RBPMS: variants seen among roughly 807,000 people sequenced by gnomAD.
RBPMS encodes the protein RNA binding protein, mRNA processing factor.
In RBPMS, 7 loss-of-function variants were observed where a neutral mutation model predicts 26.8. The observed-to-expected ratio is 0.26, with a 90% CI of 0.15 to 0.49. The LOEUF is 0.49. Ranked by LOEUF, RBPMS falls within the 20% of genes least tolerant of loss-of-function variation. RBPMS has a pLI of 0.98. For synonymous variants in RBPMS, 96 were observed against 93.3 expected (o/e 1.03, Z -0.17); for missense variants, 186 against 250.0 (o/e 0.74, Z 1.73).
At chr8:30,479,713 T>C (rs1818074817) in intron 4 of RBPMS, among the ~76,000 whole-genome samples, 2 of 152,166 alleles carry the variant, frequency 1.3e-5, no homozygotes, top group Admixed American at 1.3e-4. Flanking sequence ...TTTGAGGCGT[T>C]AGCTTGCTCA....
intron 1 of RBPMS, among the ~76,000 whole-genome samples, chr8:30,450,168 C>A (rs1337026170): frequency 6.6e-6 from 1 of 152,174 alleles, no homozygotes; most frequent in African/African-American, 2.4e-5. Context: ...TTATAGATTG[C>A]TACATATAGA....
intron 7 of RBPMS, among the ~76,000 whole-genome samples, chr8:30,563,413 G>GT (rs1218029884): frequency 6.6e-6 from 1 of 152,072 alleles, no homozygotes. Context: ...CTTACATGCA[G>GT]TGAGAGTGAG....
At position 30,482,304 on chromosome 8, in the gene RBPMS, G is replaced by T. The variant is rs573547851; in HGVS notation, c.246+2927G>T. 1.8e-3 allele frequency among the ~76,000 whole-genome samples: 269 copies of T among 152,304 alleles called. 2 individuals carry two copies. Among genetic ancestry groups the T allele is most frequent in the African/African-American group, 6.1e-3 (252 of 41,582 alleles). On this transcript the variant is annotated intron_variant, in intron 4 of 8. Transcript: ENST00000397323. ...ATTTTCTTACTTACCTTTGGAGAGAGAATTCAATATTGTAATGTTTTGTTT... is the reference window on the plus strand; with the variant it reads ...ATTTTCTTACTTACCTTTGGAGAGATAATTCAATATTGTAATGTTTTGTTT...
chr8:30,391,359 A>C (rs931715621), intron 1 of RBPMS, among the ~76,000 whole-genome samples: 3 of 152,206 alleles, frequency 2.0e-5, no homozygotes, highest in African/African-American at 7.2e-5. Flanking sequence ...TGTGACAGCC[A>C]CTTTGGAATG....
chr8:30,558,338 T>C (rs1827148691), intron 6 of RBPMS: 1 of 166,536 alleles, frequency 6.0e-6, no homozygotes. Flanking sequence ...GCCCATCTCC[T>C]CAGTAGGGTG....
chr8:30,434,995 G>GGA (rs1812300820), intron 1 of RBPMS, among the ~76,000 whole-genome samples: 1 of 147,876 alleles, frequency 6.8e-6, no homozygotes, highest in Non-Finnish European at 1.5e-5. Context: ...TTCCAAAGAA[G>GGA]ACATCCATCC....
At chr8:30,443,950 A>G (rs1813431588) in intron 1 of RBPMS, among the ~76,000 whole-genome samples, 1 of 149,950 alleles carries the variant, frequency 6.7e-6, no homozygotes, top group Admixed American at 6.7e-5. Context: ...TCTATTGCCC[A>G]GGCTGGAATG....
chr8:30,545,032 G>GTGTTGAGAGT, intron 6 of RBPMS: 2 of 1,417,774 alleles, frequency 1.4e-6, no homozygotes, highest in Non-Finnish European at 1.8e-6. Flanking sequence ...GTGTTTCTGT[G>GTGTTGAGAGT]TGTTGAGAGT....
intron 5 of RBPMS, among the ~76,000 whole-genome samples, chr8:30,537,139 A>G (rs1399577311): frequency 1.3e-5 from 2 of 152,200 alleles, no homozygotes. Context: ...AAGTTCCCAG[A>G]GGAACAGTTT....
At chr8:30,490,936 T>C (rs1013647723) in intron 4 of RBPMS, among the ~76,000 whole-genome samples, 1 of 152,200 alleles carries the variant, frequency 6.6e-6, no homozygotes, top group African/African-American at 2.4e-5. Flanking sequence ...CTTCCTAAGT[T>C]TGGACTTGAC....
chr8:30,568,573 AG>A (rs2151098140), intron 8 of RBPMS, among the ~76,000 whole-genome samples: 1 of 152,288 alleles, frequency 6.6e-6, no homozygotes, highest in East Asian at 1.9e-4. Flanking sequence ...ACCTGAGATA[AG>A]GAGATTTGTT....
intron 1 of RBPMS, among the ~76,000 whole-genome samples, chr8:30,423,697 T>C (rs1329381902): frequency 6.6e-6 from 1 of 152,086 alleles, no homozygotes; most frequent in Non-Finnish European, 1.5e-5. Flanking sequence ...AATCTTAGTT[T>C]AGTTTTTCAG....
chr8:30,448,265 C>G (rs1025029064), intron 1 of RBPMS, among the ~76,000 whole-genome samples: 62 of 152,278 alleles, frequency 4.1e-4, no homozygotes, highest in African/African-American at 1.3e-3. Flanking sequence ...TGACATTTTT[C>G]ACATGCCCTT....
chr8:30,502,957 T>C (rs912973393), intron 4 of RBPMS, among the ~76,000 whole-genome samples: 3 of 152,100 alleles, frequency 2.0e-5, no homozygotes, highest in African/African-American at 7.3e-5. Flanking sequence ...TGGTGTTGAT[T>C]AGGTATGCAC....
intron 1 of RBPMS, among the ~76,000 whole-genome samples, chr8:30,466,844 C>G (rs945521265): frequency 6.6e-6 from 1 of 152,094 alleles, no homozygotes; most frequent in Non-Finnish European, 1.5e-5. Context: ...ATCCACCTGC[C>G]TCGGCCTCCC....
chr8:30,476,221 AT>A lies in RBPMS; in HGVS notation c.144+1367del. Reference sequence around the variant, plus strand: ...GAAAATGAAACTTGGAGCTGAATAAATTGTGCTCAAGTTTACACACATAAAA... The same window carrying A: ...GAAAATGAAACTTGGAGCTGAATAAATGTGCTCAAGTTTACACACATAAAA... On this transcript the variant is annotated intron_variant, in intron 2 of 8. Coordinates refer to ENST00000397323, the MANE Select transcript of RBPMS (RefSeq NM_001008710.3). 1.3e-5 allele frequency among the ~76,000 whole-genome samples: 2 copies of A among 151,948 alleles called. 1 individual carries two copies. Among genetic ancestry groups the A allele is most frequent in the Middle Eastern group, 6.8e-3 (2 of 294 alleles).
In RBPMS at chr8:30,477,831, T is replaced by G; in HGVS notation, c.177T>G (p.Ser59=). 1.2e-6 allele frequency: 2 copies of G among 1,607,160 alleles called. No homozygotes were observed. Among genetic ancestry groups the G allele is most frequent in the South Asian group, 2.2e-5 (2 of 90,728 alleles). ...AGGGTTCTCTTATAAAGCTCACATCTAAACAGGTAAGAATTTCAAAGTGGC... is the reference window on the plus strand; with the variant it reads ...AGGGTTCTCTTATAAAGCTCACATCGAAACAGGTAAGAATTTCAAAGTGGC... ...GYEGSLIKLT[S]KQPVGFVSFD... The change falls in exon 3 of 9, where the codon TCT becomes TCG. Residue 59 remains serine (S), a synonymous_variant. Transcript: ENST00000397323.
chr8:30,511,483 AAAAATATAT>A (rs1359844527), intron 5 of RBPMS, among the ~76,000 whole-genome samples: 17 of 4,600 alleles, frequency 3.7e-3, no homozygotes, highest in South Asian at 7.9e-3. Context: ...AAAAAAAAAA[AAAAATATAT>A]ATATATATAT....
At chr8:30,531,707 TG>T (rs1232881270) in intron 5 of RBPMS, among the ~76,000 whole-genome samples, 2 of 152,340 alleles carry the variant, frequency 1.3e-5, no homozygotes, top group East Asian at 3.9e-4. Context: ...AAGTCAACAG[TG>T]TGACTATTAA....
Sources: allele counts gnomAD v4.1 joint callset (sites outside exome capture counted in the v4.1 genomes callset), GRCh38; gene constraint gnomAD v4.1.1; transcripts MANE v1.5; gene names NCBI Gene and HGNC (gene_info 2026-07-23, HGNC 2026-07-21).